Variants in CLN8 observed in about 807,000 individuals in gnomAD.
CLN8 encodes CLN8 transmembrane ER and ERGIC protein, also known as protein CLN8.
CLN8 carries 14 observed loss-of-function variants against 15.7 expected under a neutral mutation model. The observed-to-expected ratio is 0.89, with a 90% CI of 0.59 to 1.39. CLN8 has a LOEUF of 1.39. Among genes scored for constraint, CLN8 ranks in the 40% most tolerant of loss-of-function variants. The pLI is 0.00. For missense variants in CLN8, 415 were observed against 364.0 expected (o/e 1.14, Z -1.14); for synonymous variants, 188 against 151.0 (o/e 1.25, Z -1.80).
At chr8:1,758,122 TG>T (rs1239752759) in intron 1 of CLN8, 2 of 152,220 alleles carry the variant, frequency 1.3e-5, no homozygotes, top group Non-Finnish European at 2.9e-5. Context: ...CACTGTGTTT[TG>T]TGGCTCAATA....
intron 1 of CLN8, among the ~76,000 whole-genome samples, chr8:1,769,431 C>G (rs1425046542): frequency 1.3e-5 from 2 of 152,172 alleles, no homozygotes; most frequent in African/African-American, 2.4e-5. Context: ...TCTGGGGTCT[C>G]TTCCGGAGAG....
upstream of CLN8, chr8:1,763,751 T>TCC (rs1563102105): frequency 3.6e-4 from 51 of 142,912 alleles, no homozygotes; most frequent in Admixed American, 4.8e-4. Flanking sequence ...CGCACGCGCG[T>TCC]GCGAACGCGC....
intron 1 of CLN8, among the ~76,000 whole-genome samples, chr8:1,756,534 T>C (rs1057247448): frequency 2.6e-5 from 4 of 151,906 alleles, no homozygotes; most frequent in Admixed American, 2.6e-4. Flanking sequence ...TATACATCTG[T>C]ATATTTGATT....
rs1345737431 is a variant in CLN8, at chr8:1,782,442, G to C, written c.*1875G>C. ...TTACGGGCGTGAGCCACTTCACCCG[G>C]CCCGGAGCGGTGTATTTTGATTGCT... On this transcript the variant is annotated 3_prime_UTR_variant, in exon 3 of 3. Transcript: ENST00000331222. The C allele has an allele frequency of 1.3e-5, 2 of 152,244 alleles. No homozygotes were observed. The highest frequency in any genetic ancestry group is 4.8e-5 in the African/African-American group (2 of 41,460). 9.4% of individuals were successfully genotyped at this position (152,244 alleles called of 1,614,324 possible).
At chr8:1,770,576 T>G (rs909928528) in intron 1 of CLN8, among the ~76,000 whole-genome samples, 2 of 152,146 alleles carry the variant, frequency 1.3e-5, no homozygotes, top group Admixed American at 6.5e-5. Flanking sequence ...TGTATCCCAG[T>G]GTAATGACTT....
upstream of CLN8, chr8:1,761,871 T>C (rs1255806520): frequency 1.3e-5 from 2 of 152,238 alleles, no homozygotes; most frequent in Non-Finnish European, 2.9e-5. Flanking sequence ...AATAGTGATG[T>C]TATCCCCAGG....
At chr8:1,758,532 G>A (rs1800723094) in intron 1 of CLN8, 2 of 152,160 alleles carry the variant, frequency 1.3e-5, no homozygotes, top group Admixed American at 1.3e-4. Context: ...CCTCCATGAC[G>A]TCATTTCAGT....
chr8:1,779,713 A>T (rs988421123), intron 2 of CLN8, among the ~76,000 whole-genome samples: 2 of 152,176 alleles, frequency 1.3e-5, no homozygotes, highest in African/African-American at 2.4e-5. Context: ...GTGAAGACCC[A>T]CTTCCTGGTT....
chr8:1,777,141 G>C (rs138236832), intron 2 of CLN8, among the ~76,000 whole-genome samples: 3 of 152,282 alleles, frequency 2.0e-5, no homozygotes, highest in Non-Finnish European at 2.9e-5. Flanking sequence ...ATTGTTCCCA[G>C]GCTGCATACC....
intron 2 of CLN8, chr8:1,773,044 T>C: frequency 2.5e-6 from 1 of 398,196 alleles, no homozygotes; most frequent in Non-Finnish European, 4.4e-6. Context: ...TACAGACTGT[T>C]CATGCATAAC....
chr8:1,753,328 T>C (rs1019358818), upstream of CLN8, among the ~76,000 whole-genome samples: 4 of 152,014 alleles, frequency 2.6e-5, no homozygotes, highest in Non-Finnish European at 5.9e-5. Context: ...CCCAGCACTT[T>C]GGGAGGCTGA....
At position 1,771,121 on chromosome 8, in the gene CLN8, A is replaced by G. The variant is rs1563107206; in HGVS notation, c.67A>G (p.Ile23Val). The change falls in exon 2 of 3, where the codon ATC (isoleucine) becomes GTC (valine). Residue 23 changes from isoleucine to valine, a missense_variant. Transcript: ENST00000331222. ...TGACCTGGACTATGCATCCTGGGGG[A>G]TCCGCTCCACGCTGATGGTCGCTGG... ...IFDLDYASWG[I>V]RSTLMVAGFV... The G allele has an allele frequency of 1.2e-6, 2 of 1,613,860 alleles. No individual in the cohort carries two copies. The highest frequency in any genetic ancestry group is 1.7e-6 in the Non-Finnish European group (2 of 1,179,984).
chr8:1,762,663 A>G (rs1303734959), upstream of CLN8: 6 of 152,244 alleles, frequency 3.9e-5, 1 homozygote, highest in African/African-American at 1.4e-4. Flanking sequence ...TATTTCAAAG[A>G]GCGTTGGTAA....
chr8:1,768,440 G>A (rs1715129650), intron 1 of CLN8, among the ~76,000 whole-genome samples: 1 of 152,178 alleles, frequency 6.6e-6, no homozygotes, highest in African/African-American at 2.4e-5. Flanking sequence ...AGAGCCTTCT[G>A]GAGTCGGGGT....
chr8:1,771,421 C>T lies in CLN8; in HGVS notation c.367C>T (p.Leu123=), dbSNP rs2130992011. 6.2e-7 allele frequency: 1 copy of T among 1,614,214 alleles called. No individual in the cohort carries two copies. Among genetic ancestry groups the T allele is most frequent in the Non-Finnish European group, 8.5e-7 (1 of 1,180,036 alleles). The change falls in exon 2 of 3, where the codon CTG becomes TTG. Residue 123 remains leucine, a synonymous_variant. Coordinates refer to ENST00000331222, the MANE Select transcript of CLN8 (RefSeq NM_018941.4). ...TTGCTTTGAAAATGTTGCAGTCCAC[C>T]TGTCCAACTTGATCTTCCGGACATT... ...FFCFENVAVH[L]SNLIFRTFDL... is the part of the protein sequence containing the mutation.
At position 1,782,427 on chromosome 8, in the gene CLN8, G is replaced by C. The variant is rs1158978955; in HGVS notation, c.*1860G>C. On this transcript the variant is annotated 3_prime_UTR_variant, in exon 3 of 3. Transcript: ENST00000331222. Reference sequence around the variant, plus strand: ...CCCAAAGTTCTGGGATTACGGGCGTGAGCCACTTCACCCGGCCCGGAGCGG... The same window carrying C: ...CCCAAAGTTCTGGGATTACGGGCGTCAGCCACTTCACCCGGCCCGGAGCGG... 1.3e-5 allele frequency: 2 copies of C among 152,288 alleles called. No homozygotes were observed. Among genetic ancestry groups the C allele is most frequent in the African/African-American group, 4.8e-5 (2 of 41,464 alleles). 9.4% of individuals were successfully genotyped at this position (152,288 alleles called of 1,614,324 possible). A position where few individuals can be genotyped will look rare whatever the true frequency, so the allele number is the denominator to read the frequency against.
At chr8:1,769,457 C>T (rs569971790) in intron 1 of CLN8, among the ~76,000 whole-genome samples, 78 of 152,220 alleles carry the variant, frequency 5.1e-4, no homozygotes, top group African/African-American at 1.6e-3. Context: ...GGTCCAGCTG[C>T]GTGGGGAGTG....
In CLN8 at chr8:1,780,362, G is replaced by A. The variant is rs1354938162; in HGVS notation, c.656G>A (p.Trp219Ter). ...ATGTGGTGGGTGTGTTTCTGGCACT[G>A]GGACGGCCTGGTCAGCAGCCTGTAT... The part of the protein sequence containing the change: ...YHMWWVCFWH[W>*]DGLVSSLYLP... The change falls in exon 3 of 3, where the codon TGG (tryptophan) becomes TAG (stop). Residue 219 changes from tryptophan (W) to a stop codon, truncating the protein, a stop_gained. Transcript: ENST00000331222. LOFTEE classifies it high-confidence loss of function. The A allele has an allele frequency of 6.2e-7, 1 of 1,614,140 alleles. No homozygotes were observed. Among genetic ancestry groups the A allele is most frequent in the Non-Finnish European group, 8.5e-7 (1 of 1,180,052 alleles).
At chr8:1,780,096 C>T (rs1801662190) in intron 2 of CLN8, 154 bp from the exon 3 acceptor site, 6 of 985,456 alleles carry the variant, frequency 6.1e-6, no homozygotes, top group Non-Finnish European at 4.8e-6. Flanking sequence ...AGAATGAAGT[C>T]CCAATGAGAG....
Sources: gnomAD v4.1 joint callset for allele counts (sites outside exome capture counted in the v4.1 genomes callset) on GRCh38, gnomAD v4.1.1 for gene constraint, MANE v1.5 for transcripts, NCBI Gene and HGNC (gene_info 2026-07-23, HGNC 2026-07-21) for gene names.